BICC1: variants seen among roughly 807,000 people sequenced by gnomAD.
The protein encoded by BICC1 is protein bicaudal C homolog 1.
In BICC1, 43 loss-of-function variants were observed where a neutral mutation model predicts 111.0. That is an observed-to-expected ratio of 0.39 (90% CI 0.30 to 0.50). BICC1 has a LOEUF of 0.50. Ranked by LOEUF, BICC1 falls within the 20% of genes least tolerant of loss-of-function variation. BICC1 has a pLI of 0.88. For missense variants in BICC1, 1,091 were observed against 1,203.2 expected, an observed-to-expected ratio of 0.91 and a Z score of 1.38; for synonymous variants, 467 against 434.4, an observed-to-expected ratio of 1.07 and a Z score of -0.93.
intron 1 of BICC1, among the ~76,000 whole-genome samples, chr10:58,559,851 A>G (rs907747741): frequency 6.6e-6 from 1 of 151,990 alleles, no homozygotes; most frequent in African/African-American, 2.4e-5. Flanking sequence ...ATAATCATTT[A>G]GGTTTTGTTC....
At chr10:58,705,260 T>C (rs1349525198) in intron 3 of BICC1, among the ~76,000 whole-genome samples, 3 of 152,196 alleles carry the variant, frequency 2.0e-5, no homozygotes, top group Admixed American at 1.3e-4. Flanking sequence ...TATGGAAATA[T>C]CACTAAGAAG....
chr10:58,527,127 G>A (rs939579948), intron 1 of BICC1, among the ~76,000 whole-genome samples: 1 of 152,142 alleles, frequency 6.6e-6, no homozygotes, highest in African/African-American at 2.4e-5. Flanking sequence ...ATTCTAACTG[G>A]TGTGAGATGG....
At chr10:58,681,650 G>C (rs1465079285) in intron 2 of BICC1, among the ~76,000 whole-genome samples, 1 of 151,584 alleles carries the variant, frequency 6.6e-6, no homozygotes, top group African/African-American at 2.4e-5. Context: ...GCCTGGAATT[G>C]GTTCCTTCCG....
At chr10:58,718,138 A>G (rs1264123053) in intron 3 of BICC1, among the ~76,000 whole-genome samples, 2 of 152,138 alleles carry the variant, frequency 1.3e-5, no homozygotes, top group Non-Finnish European at 2.9e-5. Flanking sequence ...TTTGGCTACT[A>G]TACCAAAATA....
chr10:58,796,431 T>G lies in BICC1; in HGVS notation c.1271T>G (p.Ile424Arg), dbSNP rs749000828. 40 of 1,613,986 alleles carry G rather than the reference T, an allele frequency of 2.5e-5. No individual in the cohort carries two copies. The highest frequency in any genetic ancestry group is 2.6e-5 in the Non-Finnish European group (31 of 1,180,008). ...LLGLESSGVT[I>R]ATSPSPASCP... ...GGACTTGAAAGCAGTGGGGTTACCA[T>G]AGCAACCAGTCCATCCCCAGCATCC... The change falls in exon 10 of 21, where the codon ATA becomes AGA. Residue 424 changes from isoleucine (I) to arginine (R), a missense_variant. This residue lies in a region of BICC1 where 843 missense variants were observed against 900.8 expected (regional missense o/e 0.94). Transcript: ENST00000373886.
At chr10:58,722,404 TA>T (rs35094201) in intron 3 of BICC1, among the ~76,000 whole-genome samples, 1 of 152,244 alleles carries the variant, frequency 6.6e-6, no homozygotes, top group African/African-American at 2.4e-5. Flanking sequence ...TTAATTCTAC[TA>T]AAATAAGTTG....
Position 58,588,082 on chromosome 10 carries a change from T to A in BICC1, c.191-32773T>A, listed in dbSNP as rs535805321. 2.6e-5 allele frequency among the ~76,000 whole-genome samples: 4 copies of A among 152,348 alleles called. No individual in the cohort carries two copies. In the South Asian group the frequency reaches 8.3e-4, roughly 32 times the overall value. ...CAAAGTGGTTCATGTACAGAAATGC[T>A]TTTCCATTGTGATTGACACCAAAAT... On this transcript the variant is annotated intron_variant, in intron 1 of 20. Coordinates refer to ENST00000373886, the MANE Select transcript of BICC1 (RefSeq NM_001080512.3).
intron 1 of BICC1, among the ~76,000 whole-genome samples, chr10:58,611,953 G>T (rs1446150605): frequency 6.6e-6 from 1 of 152,238 alleles, no homozygotes; most frequent in African/African-American, 2.4e-5. Context: ...ATTTATTTTT[G>T]TCTATTCTTA....
At position 58,648,711 on chromosome 10, in the gene BICC1, T is replaced by C. The variant is rs907814804; in HGVS notation, c.237+27810T>C. 3.2e-6 allele frequency: 3 copies of C among 950,500 alleles called. No homozygotes were observed. In the African/African-American group the frequency reaches 5.3e-5, roughly 17 times the overall value. The allele number at this position is 950,500 out of a possible 1,614,324, so 58.9% of individuals were successfully genotyped here. On this transcript the variant is annotated intron_variant, in intron 2 of 20. Coordinates refer to ENST00000373886, the MANE Select transcript of BICC1 (RefSeq NM_001080512.3). Reference sequence around the variant, plus strand: ...CACTGTTGGAAATCCTCTCTGTTGTTTGACCATAATGCTACTTGCTACTCC... The same window carrying C: ...CACTGTTGGAAATCCTCTCTGTTGTCTGACCATAATGCTACTTGCTACTCC...
intron 4 of BICC1, among the ~76,000 whole-genome samples, chr10:58,785,542 G>T (rs1355367358): frequency 6.6e-6 from 1 of 151,940 alleles, no homozygotes; most frequent in African/African-American, 2.4e-5. Flanking sequence ...GCTTGCTTTT[G>T]TGTGATCACG....
chr10:58,809,197 ATT>A (rs1373416258), intron 17 of BICC1, among the ~76,000 whole-genome samples: 1 of 134,436 alleles, frequency 7.4e-6, no homozygotes, highest in Non-Finnish European at 1.6e-5. Context: ...TAAGTTTTGT[ATT>A]TTTTTTTTTC....
At chr10:58,814,030 A>G (rs1171903400) in intron 18 of BICC1, 44 bp downstream of exon 18, 1 of 1,608,540 alleles carries the variant, frequency 6.2e-7, no homozygotes, top group East Asian at 2.2e-5. Flanking sequence ...TCCCCAGATT[A>G]GAATGTGTTT....
chr10:58,640,324 T>C (rs887143512), intron 2 of BICC1, among the ~76,000 whole-genome samples: 12 of 152,150 alleles, frequency 7.9e-5, no homozygotes, highest in African/African-American at 2.4e-4. Context: ...AAAGTTATAA[T>C]AGAGTGTTTG....
intron 3 of BICC1, among the ~76,000 whole-genome samples, chr10:58,756,557 A>G (rs909095473): frequency 6.7e-6 from 1 of 149,938 alleles, no homozygotes; most frequent in Middle Eastern, 3.5e-3. Flanking sequence ...GTCCCACCCT[A>G]AGGGTTTTCC....
At chr10:58,567,446 G>A (rs977293789) in intron 1 of BICC1, among the ~76,000 whole-genome samples, 8 of 151,726 alleles carry the variant, frequency 5.3e-5, no homozygotes, top group African/African-American at 1.9e-4. Context: ...ATATATATAT[G>A]TCTTTTAGGG....
At chr10:58,559,801 A>G (rs1288472521) in intron 1 of BICC1, among the ~76,000 whole-genome samples, 1 of 151,980 alleles carries the variant, frequency 6.6e-6, no homozygotes, top group Non-Finnish European at 1.5e-5. Flanking sequence ...TCATGAAGGG[A>G]TGTCGAATTT....
chr10:58,584,055 AACACACACACAC>A lies in BICC1; in HGVS notation c.191-36766_191-36755del, dbSNP rs140080926. Among the ~76,000 whole-genome samples the A allele has an allele frequency of 3.5e-3, 517 of 147,930 alleles. 2 individuals carry two copies. Among genetic ancestry groups the A allele is most frequent in the Middle Eastern group, 0.014 (4 of 288 alleles). ...ATCTCTACTCTGAATGTAAACATGA[AACACACACACAC>A]ACACACACACACACACACACACACA... On this transcript the variant is annotated intron_variant, in intron 1 of 20. Transcript: ENST00000373886.
intron 9 of BICC1, among the ~76,000 whole-genome samples, chr10:58,794,609 G>A (rs1284429503): frequency 6.6e-6 from 1 of 151,966 alleles, no homozygotes; most frequent in Non-Finnish European, 1.5e-5. Flanking sequence ...TTGTAGAAAT[G>A]GGGTTTGGCC....
chr10:58,800,169 A>C, intron 12 of BICC1, 25 bp from the exon 13 acceptor site: 1 of 1,529,624 alleles, frequency 6.5e-7, no homozygotes, highest in Non-Finnish European at 8.9e-7. Context: ...CCATATTTAT[A>C]CATTATTTTC....
Sources: gnomAD v4.1 joint callset for allele counts (sites outside exome capture counted in the v4.1 genomes callset) on GRCh38, gnomAD v4.1.1 for gene constraint, gnomAD v4.1.1 regional missense constraint, MANE v1.5 for transcripts, NCBI Gene and HGNC (gene_info 2026-07-23, HGNC 2026-07-21) for gene names.